The following GLIS3 variants were observed in gnomAD, a reference collection of about 807,000 sequenced individuals.
The protein encoded by GLIS3 is zinc finger protein GLIS3.
Under a neutral mutation model 78.6 loss-of-function variants are expected in GLIS3, and 53 were observed. That is an observed-to-expected ratio of 0.67 (90% confidence interval 0.54 to 0.85). The LOEUF is 0.85. GLIS3 is among the 40% of genes least tolerant of loss of function. The probability of loss-of-function intolerance (pLI) is 0.00; values close to 1 mark genes in which losing one functional copy is unlikely to be tolerated. For missense variants in GLIS3, 1,703 were observed against 1,231.1 expected (o/e 1.38, Z -5.74); for synonymous variants, 684 against 509.9 (o/e 1.34, Z -4.60).
upstream of GLIS3, among the ~76,000 whole-genome samples, chr9:4,351,697 G>A (rs1817974006): frequency 6.6e-6 from 1 of 152,156 alleles, no homozygotes; most frequent in East Asian, 1.9e-4. Context: ...GTTTTTCCTT[G>A]AACTAGGGAG....
At chr9:4,338,024 C>CTGTGTGTGTGTGTGTGTGTGTG (rs74777663) in intron 2 of GLIS3, among the ~76,000 whole-genome samples, 1 of 138,972 alleles carries the variant, frequency 7.2e-6, no homozygotes, top group African/African-American at 2.9e-5. Flanking sequence ...ATTGGCAAGG[C>CTGTGTGTGTGTGTGTGTGTGTG]TGTGTGTGTG....
intron 4 of GLIS3, among the ~76,000 whole-genome samples, chr9:3,995,036 T>A (rs983993001): frequency 1.1e-4 from 17 of 152,140 alleles, no homozygotes; most frequent in African/African-American, 4.1e-4. Context: ...TGGGTCTAGA[T>A]TTGGATCTGA....
At chr9:4,381,858 C>T in the GLIS3 span, among the ~76,000 whole-genome samples, 1 of 152,176 alleles carries the variant, frequency 6.6e-6, no homozygotes, top group Non-Finnish European at 1.5e-5. Flanking sequence ...GCTGTTGGTT[C>T]TGGAAGTAGC....
At chr9:3,836,269 C>T (rs1030129912) in intron 9 of GLIS3, among the ~76,000 whole-genome samples, 6 of 152,164 alleles carry the variant, frequency 3.9e-5, no homozygotes, top group Non-Finnish European at 1.5e-5. Context: ...GTTTCTTGGT[C>T]GTATGGCTGT....
At chr9:4,382,561 C>CT in the GLIS3 span, among the ~76,000 whole-genome samples, 1 of 152,066 alleles carries the variant, frequency 6.6e-6, no homozygotes, top group African/African-American at 2.4e-5. Flanking sequence ...TAGAGTATTT[C>CT]TCCAGGTATG....
At chr9:4,010,862 G>T (rs982901765) in intron 4 of GLIS3, among the ~76,000 whole-genome samples, 1 of 152,154 alleles carries the variant, frequency 6.6e-6, no homozygotes, top group Non-Finnish European at 1.5e-5. Flanking sequence ...CCTGATGGAG[G>T]TTCCAAAGTC....
chr9:4,045,755 G>A (rs533419965), intron 4 of GLIS3, among the ~76,000 whole-genome samples: 116 of 152,204 alleles, frequency 7.6e-4, no homozygotes, highest in South Asian at 1.2e-3. Flanking sequence ...ACACAGTCTC[G>A]CAATCACAGC....
chr9:4,091,300 G>C (rs576223375), intron 4 of GLIS3, among the ~76,000 whole-genome samples: 1 of 151,988 alleles, frequency 6.6e-6, no homozygotes, highest in East Asian at 1.9e-4. Context: ...CTGGGAGTTC[G>C]AGGCTGAAGT....
intron 8 of GLIS3, chr9:3,875,718 T>A (rs1588134171): frequency 6.6e-6 from 1 of 152,122 alleles, no homozygotes. Flanking sequence ...CAAACCTGAT[T>A]GGAAGAGAGA....
At chr9:4,402,424 C>T in the GLIS3 span, among the ~76,000 whole-genome samples, 2 of 152,188 alleles carry the variant, frequency 1.3e-5, no homozygotes, top group Non-Finnish European at 2.9e-5. Flanking sequence ...CTGTGATGAA[C>T]ATCTACAAGC....
rs370071828 is a variant in GLIS3 at position 4,149,901 on chromosome 9, T to C, written c.389-23960A>G. Among the ~76,000 whole-genome samples the C allele has an allele frequency of 5.2e-4, 79 of 152,366 alleles. No individual in the cohort carries two copies. The South Asian group carries it at 0.015, about 28-fold the overall frequency. ...ATATTTAGAAACAAGATATGAAGTA[T>C]CTTATCTGCACTTGCATATATCTTA... On this transcript the variant is annotated intron_variant, in intron 2 of 10. Coordinates refer to ENST00000381971, the MANE Select transcript of GLIS3 (RefSeq NM_001042413.2).
chr9:4,198,915 T>A (rs1246294962), intron 2 of GLIS3, among the ~76,000 whole-genome samples: 1 of 152,204 alleles, frequency 6.6e-6, no homozygotes, highest in Non-Finnish European at 1.5e-5. Context: ...TTTTCAGCAT[T>A]CTTAAAGAAA....
chr9:3,883,273 G>T (rs746778481), intron 7 of GLIS3, among the ~76,000 whole-genome samples: 1 of 152,138 alleles, frequency 6.6e-6, no homozygotes, highest in Non-Finnish European at 1.5e-5. Flanking sequence ...CTACAGTCTA[G>T]GAATATTCTT....
At chr9:3,925,305 G>A (rs890011704) in intron 6 of GLIS3, among the ~76,000 whole-genome samples, 1 of 152,092 alleles carries the variant, frequency 6.6e-6, no homozygotes, top group Non-Finnish European at 1.5e-5. Flanking sequence ...GGCATCTCCC[G>A]GTGTGTCTCT....
the GLIS3 span, among the ~76,000 whole-genome samples, chr9:4,464,405 AT>A: frequency 6.7e-6 from 1 of 149,544 alleles, no homozygotes; most frequent in Non-Finnish European, 1.5e-5. Context: ...TTATTTATTT[AT>A]TTTTTTGAGA....
intron 4 of GLIS3, among the ~76,000 whole-genome samples, chr9:4,058,987 CAA>C (rs111956039): frequency 6.1e-5 from 8 of 130,600 alleles, no homozygotes; most frequent in African/African-American, 2.8e-5. Flanking sequence ...ATCTCAAAAA[CAA>C]AAAAAAAAAA....
At chr9:3,982,675 A>G (rs963816403) in intron 4 of GLIS3, among the ~76,000 whole-genome samples, 7 of 152,220 alleles carry the variant, frequency 4.6e-5, no homozygotes, top group Non-Finnish European at 1.0e-4. Context: ...GGCCAAGCCT[A>G]GCAAAGATAC....
At chr9:4,406,644 C>A in the GLIS3 span, among the ~76,000 whole-genome samples, 1 of 152,144 alleles carries the variant, frequency 6.6e-6, no homozygotes, top group African/African-American at 2.4e-5. Context: ...AGTAGCATTT[C>A]TATATGCCAA....
chr9:4,316,600 C>G (rs1817439933), intron 2 of GLIS3, among the ~76,000 whole-genome samples: 1 of 152,136 alleles, frequency 6.6e-6, no homozygotes. Flanking sequence ...CCAAAGTGTG[C>G]ATGCTAGGTG....
Sources: allele counts gnomAD v4.1 joint callset (sites outside exome capture counted in the v4.1 genomes callset), GRCh38; gene constraint gnomAD v4.1.1; transcripts MANE v1.5; gene names NCBI Gene and HGNC (gene_info 2026-07-23, HGNC 2026-07-21).